Variants in SNX29 observed in about 807,000 individuals in gnomAD.
SNX29 encodes sorting nexin-29.
SNX29 carries 78 observed loss-of-function variants against 102.1 expected under a neutral mutation model. The ratio of observed to expected loss-of-function variants is 0.76; its 90% CI spans 0.64 to 0.92. The LOEUF is 0.92. Ranked by LOEUF, SNX29 falls within the 40% of genes least tolerant of loss-of-function variation. The pLI, the probability that SNX29 is intolerant of heterozygous loss-of-function variation, is 0.00. For missense variants in SNX29, 1,280 were observed against 1,061.7 expected (o/e 1.21, Z -2.86); for synonymous variants, 580 against 414.5 (o/e 1.40, Z -4.85).
chr16:12,080,199 AG>A (rs1269845960), intron 11 of SNX29, among the ~76,000 whole-genome samples: 1 of 152,074 alleles, frequency 6.6e-6, no homozygotes, highest in Admixed American at 6.5e-5. Context: ...TTGGCTGCAG[AG>A]GGGGCAATTG....
intron 15 of SNX29, among the ~76,000 whole-genome samples, chr16:12,350,825 T>G (rs979009203): frequency 2.0e-5 from 3 of 152,194 alleles, no homozygotes; most frequent in African/African-American, 4.8e-5. Context: ...CTCAGTCTAC[T>G]GAATCAGAAT....
In SNX29 at chr16:12,524,858, C is replaced by T. The variant is rs73508538; in HGVS notation, c.2318+17C>T. On this transcript the variant is annotated intron_variant, in intron 20 of 20. Transcript: ENST00000566228. ...CTTCTTCGTGTAAGTACTGCTCCCA[C>T]GGACATGGGCCGCCAGCCCTGCCAG... is the stretch of plus-strand genomic sequence containing the variant. 6,643 of 1,604,322 alleles carry T rather than the reference C, an allele frequency of 4.1e-3. 246 individuals carry two copies. In the African/African-American group the frequency reaches 0.079, roughly 19 times the overall value.
At chr16:12,074,208 C>G (rs911542724) in intron 10 of SNX29, among the ~76,000 whole-genome samples, 1 of 151,252 alleles carries the variant, frequency 6.6e-6, no homozygotes, top group African/African-American at 2.4e-5. Flanking sequence ...TTGATCCTGT[C>G]ATTATGATGT....
chr16:12,450,932 G>A lies in SNX29; in HGVS notation c.2038-26787G>A, dbSNP rs1226461420. On this transcript the variant is annotated intron_variant, in intron 18 of 20. Transcript: ENST00000566228. ...CCTGGACTTGATACAGCATCCCCCTGCTTGCCCAGTAAGCAAACCGAGATG... is the reference window on the plus strand; with the variant it reads ...CCTGGACTTGATACAGCATCCCCCTACTTGCCCAGTAAGCAAACCGAGATG... Among the ~76,000 whole-genome samples the A allele has an allele frequency of 2.6e-5, 4 of 152,128 alleles. No homozygotes were observed. The South Asian group carries it at 8.3e-4, about 32-fold the overall frequency.
At chr16:12,413,893 T>TG (rs913032753) in intron 18 of SNX29, among the ~76,000 whole-genome samples, 13 of 147,758 alleles carry the variant, frequency 8.8e-5, no homozygotes, top group Admixed American at 8.1e-4. Flanking sequence ...CTTGCTTGTC[T>TG]GGGGGGGATT....
chr16:12,549,995 C>T (rs1022242714), intron 20 of SNX29, among the ~76,000 whole-genome samples: 2 of 152,148 alleles, frequency 1.3e-5, no homozygotes, highest in African/African-American at 4.8e-5. Flanking sequence ...TGTATAGCTT[C>T]TTATTATAAG....
At chr16:12,544,557 A>C (rs994149713) in intron 20 of SNX29, among the ~76,000 whole-genome samples, 1 of 152,060 alleles carries the variant, frequency 6.6e-6, no homozygotes, top group Admixed American at 6.5e-5. Context: ...GGAATGTTAC[A>C]GTGATGGATT....
chr16:12,395,041 T>C (rs1204231506), intron 16 of SNX29, among the ~76,000 whole-genome samples: 2 of 152,206 alleles, frequency 1.3e-5, no homozygotes, highest in Non-Finnish European at 2.9e-5. Context: ...TTTACCACAA[T>C]GGGAGGAGGT....
intron 15 of SNX29, among the ~76,000 whole-genome samples, chr16:12,281,142 G>C (rs1191737547): frequency 1.3e-5 from 2 of 152,166 alleles, no homozygotes; most frequent in South Asian, 2.1e-4. Context: ...TCAAACTTGT[G>C]ACCTCCAACA....
intron 13 of SNX29, among the ~76,000 whole-genome samples, chr16:12,189,615 G>A (rs751417369): frequency 7.2e-5 from 11 of 152,276 alleles, no homozygotes; most frequent in Non-Finnish European, 1.5e-4. Context: ...CTCCTTCACT[G>A]TGGAGTTTCC....
chr16:12,516,617 C>A (rs2089878001), intron 19 of SNX29, among the ~76,000 whole-genome samples: 1 of 152,114 alleles, frequency 6.6e-6, no homozygotes, highest in Non-Finnish European at 1.5e-5. Context: ...GACTCCAAAG[C>A]AGATATCTCT....
At chr16:12,254,486 G>C (rs1385471386) in intron 14 of SNX29, among the ~76,000 whole-genome samples, 1 of 151,958 alleles carries the variant, frequency 6.6e-6, no homozygotes, top group East Asian at 1.9e-4. Context: ...CTGAAAATAC[G>C]AAAAATGAGT....
At chr16:12,341,856 C>G (rs1001851172) in intron 15 of SNX29, among the ~76,000 whole-genome samples, 1 of 152,200 alleles carries the variant, frequency 6.6e-6, no homozygotes, top group African/African-American at 2.4e-5. Flanking sequence ...ATCTCTGCCA[C>G]AAGGACCCAC....
chr16:12,069,852 G>A (rs1004070907), intron 10 of SNX29, among the ~76,000 whole-genome samples: 12 of 152,130 alleles, frequency 7.9e-5, no homozygotes, highest in Admixed American at 3.3e-4. Context: ...CACTGCGCCC[G>A]GCTAACTTTT....
At chr16:12,310,132 G>T (rs200942609) in intron 15 of SNX29, among the ~76,000 whole-genome samples, 1 of 84,342 alleles carries the variant, frequency 1.2e-5, no homozygotes, top group Non-Finnish European at 2.6e-5. Flanking sequence ...ACACATGCAT[G>T]CACATACACA....
chr16:12,475,476 G>A (rs1567602085), intron 18 of SNX29, among the ~76,000 whole-genome samples: 1 of 152,190 alleles, frequency 6.6e-6, no homozygotes, highest in Non-Finnish European at 1.5e-5. Flanking sequence ...TAACTCTGCT[G>A]TACAGAAGCT....
chr16:12,013,651 G>C (rs2056753603), intron 3 of SNX29, among the ~76,000 whole-genome samples: 1 of 149,332 alleles, frequency 6.7e-6, no homozygotes, highest in South Asian at 2.1e-4. Flanking sequence ...TATTATTTAT[G>C]TATTTAATTT....
At chr16:12,260,438 C>G (rs189882155) in intron 14 of SNX29, among the ~76,000 whole-genome samples, 13 of 152,312 alleles carry the variant, frequency 8.5e-5, no homozygotes, top group Admixed American at 2.0e-4. Flanking sequence ...TGGCTTTGGG[C>G]TTCCTTCCCA....
At chr16:12,534,714 C>G (rs543203054) in intron 20 of SNX29, among the ~76,000 whole-genome samples, 26 of 152,230 alleles carry the variant, frequency 1.7e-4, no homozygotes, top group Non-Finnish European at 3.4e-4. Context: ...TGCCACTCCC[C>G]TGTCACTCAC....
Sources: gnomAD v4.1 joint callset for allele counts (sites outside exome capture counted in the v4.1 genomes callset) on GRCh38, gnomAD v4.1.1 for gene constraint, MANE v1.5 for transcripts, NCBI Gene and HGNC (gene_info 2026-07-23, HGNC 2026-07-21) for gene names.